Variants in MPRIP observed in about 807,000 individuals in gnomAD.
MPRIP encodes the protein myosin phosphatase Rho interacting protein.
MPRIP carries 59 observed loss-of-function variants against 234.9 expected under a neutral mutation model. That is an observed-to-expected ratio of 0.25 (90% CI 0.20 to 0.31). The LOEUF is 0.31. Ranked by LOEUF, MPRIP falls within the 10% of genes least tolerant of loss-of-function variation. MPRIP has a pLI of 1.00. For synonymous variants in MPRIP, 1,144 were observed against 1,263.9 expected, an observed-to-expected ratio of 0.91 and a Z score of 2.01; for missense variants, 2,436 against 3,071.0, an observed-to-expected ratio of 0.79 and a Z score of 4.89.
At chr17:17,145,108 A>G (rs1355075565) in intron 9 of MPRIP, among the ~76,000 whole-genome samples, 4 of 152,108 alleles carry the variant, frequency 2.6e-5, no homozygotes, top group South Asian at 2.1e-4. Flanking sequence ...CTGTAGAGGG[A>G]CTTCTTATCT....
At chr17:17,066,437 T>C (rs551336845) in intron 1 of MPRIP, among the ~76,000 whole-genome samples, 33 of 152,350 alleles carry the variant, frequency 2.2e-4, no homozygotes, top group African/African-American at 6.5e-4. Flanking sequence ...TTTGGTGGAT[T>C]ACATTGGTTG....
At chr17:17,072,701 G>C (rs1024714044) in intron 1 of MPRIP, among the ~76,000 whole-genome samples, 4 of 152,102 alleles carry the variant, frequency 2.6e-5, no homozygotes, top group African/African-American at 9.7e-5. Context: ...GGCTGGCTGT[G>C]AGAGGCAAGA....
intron 13 of MPRIP, among the ~76,000 whole-genome samples, chr17:17,155,797 T>G (rs1474024815): frequency 2.6e-5 from 4 of 152,254 alleles, no homozygotes; most frequent in Non-Finnish European, 5.9e-5. Flanking sequence ...GTCCTCTTTG[T>G]GCACAGCCAG....
intron 1 of MPRIP, among the ~76,000 whole-genome samples, chr17:17,053,991 A>G (rs925207882): frequency 1.4e-4 from 21 of 152,240 alleles, no homozygotes; most frequent in African/African-American, 5.1e-4. Flanking sequence ...AACCAATTTT[A>G]TCATAAGCTA....
intron 3 of MPRIP, among the ~76,000 whole-genome samples, chr17:17,123,182 G>C (rs2090425591): frequency 6.6e-6 from 1 of 152,226 alleles, no homozygotes; most frequent in Admixed American, 6.5e-5. Context: ...GCAGGAAGCA[G>C]GTTAGCAGTT....
chr17:17,090,281 C>T (rs2089684154), intron 3 of MPRIP, among the ~76,000 whole-genome samples: 2 of 152,348 alleles, frequency 1.3e-5, no homozygotes, highest in Non-Finnish European at 2.9e-5. Flanking sequence ...CGCACTAAGG[C>T]AGGCTTGTCC....
intron 14 of MPRIP, among the ~76,000 whole-genome samples, chr17:17,160,207 A>T (rs1350959298): frequency 6.6e-6 from 1 of 152,212 alleles, no homozygotes; most frequent in African/African-American, 2.4e-5. Context: ...CTCTACTAAA[A>T]ATACAAAAAT....
chr17:17,122,653 A>G (rs902432297), intron 3 of MPRIP, among the ~76,000 whole-genome samples: 5 of 152,166 alleles, frequency 3.3e-5, no homozygotes, highest in African/African-American at 1.2e-4. Flanking sequence ...GCGCCTGGCC[A>G]AAGGGAGCTA....
Position 17,154,353 on chromosome 17 carries a change from G to A in MPRIP, c.1767G>A (p.Arg589=), listed in dbSNP as rs762060472. ...TGTCGGCCATGACATCTGGGATTCG[G>A]CGGAACTGGATCCAGACCATCATGA... ...FTLSAMTSGI[R]RNWIQTIMKH... is the part of the protein sequence containing the mutation. The change falls in exon 13 of 24, where the codon CGG becomes CGA. Residue 589 remains arginine (R), a synonymous_variant. Transcript: ENST00000651222. 1 of 1,614,066 alleles carries A rather than the reference G, an allele frequency of 6.2e-7. No homozygotes were observed. Among genetic ancestry groups the A allele is most frequent in the African/African-American group, 1.3e-5 (1 of 74,924 alleles).
At chr17:17,091,196 C>T (rs1180386229) in intron 3 of MPRIP, among the ~76,000 whole-genome samples, 1 of 152,046 alleles carries the variant, frequency 6.6e-6, no homozygotes, top group East Asian at 1.9e-4. Flanking sequence ...CGAGGACGAC[C>T]ATATATTCTG....
chr17:17,082,285 ATTTTTTT>A lies in MPRIP; in HGVS notation c.267+4230_267+4236del, dbSNP rs71355536. On this transcript the variant is annotated intron_variant, in intron 3 of 23. Coordinates refer to ENST00000651222, the MANE Select transcript of MPRIP (RefSeq NM_001364716.4). ...AAAAGCTGATCAAATGCTTTTTCCAATTTTTTTTTTTTTTTTTTTTTTTTTTTGAGAC... is the reference window on the plus strand; with the variant it reads ...AAAAGCTGATCAAATGCTTTTTCCAATTTTTTTTTTTTTTTTTTTTGAGAC... Among the ~76,000 whole-genome samples the A allele has an allele frequency of 1.4e-3, 127 of 88,708 alleles. 1 individual carries two copies. The East Asian group carries it at 0.015, about 11-fold the overall frequency. The allele number at this position is 88,708 out of a possible 152,430, so 58.2% of individuals were successfully genotyped here. A position where few individuals can be genotyped will look rare whatever the true frequency, so the allele number is the denominator to read the frequency against.
At chr17:17,117,925 C>T (rs1429649287) in intron 3 of MPRIP, among the ~76,000 whole-genome samples, 1 of 152,256 alleles carries the variant, frequency 6.6e-6, no homozygotes, top group Admixed American at 6.5e-5. Context: ...GACTTGACTC[C>T]AAGGGTAGGC....
At chr17:17,168,310 G>A (rs1458276434) in intron 16 of MPRIP, 2 of 258,584 alleles carry the variant, frequency 7.7e-6, no homozygotes, top group Non-Finnish European at 1.5e-5. Flanking sequence ...CAAATCTGAG[G>A]CAGCTGCCTG....
Position 17,177,245 on chromosome 17 carries a change from CCA to C in MPRIP, c.6958-4_6958-3del. The C allele has an allele frequency of 6.2e-7, 1 of 1,611,032 alleles. No homozygotes were observed. Among genetic ancestry groups the C allele is most frequent in the Non-Finnish European group, 8.5e-7 (1 of 1,177,748 alleles). ...ACTACCATTCTCTGTCATTTCACTC[CCA>C]AGGACAAGAAGTACGCAAGTGACAA... On this transcript the variant is annotated splice_polypyrimidine_tract_variant and splice_region_variant and intron_variant, in intron 21 of 23. Transcript: ENST00000651222.
chr17:17,091,685 G>A (rs2089722062), intron 3 of MPRIP, among the ~76,000 whole-genome samples: 2 of 152,200 alleles, frequency 1.3e-5, no homozygotes, highest in Admixed American at 6.5e-5. Context: ...AAAGAGGCAG[G>A]GTTGGTGCGG....
intron 3 of MPRIP, among the ~76,000 whole-genome samples, chr17:17,126,329 A>T (rs1369461508): frequency 6.6e-6 from 1 of 151,968 alleles, no homozygotes; most frequent in Non-Finnish European, 1.5e-5. Flanking sequence ...TAACCCTGCT[A>T]TTTTGAAACT....
At chr17:17,098,184 A>C (rs2089887957) in intron 3 of MPRIP, among the ~76,000 whole-genome samples, 1 of 152,186 alleles carries the variant, frequency 6.6e-6, no homozygotes, top group African/African-American at 2.4e-5. Context: ...CGCTGGCAGC[A>C]GGAAGAAAGG....
intron 3 of MPRIP, among the ~76,000 whole-genome samples, chr17:17,090,407 G>T (rs2089687652): frequency 6.6e-6 from 1 of 152,170 alleles, no homozygotes; most frequent in Non-Finnish European, 1.5e-5. Flanking sequence ...TAGATGGGCT[G>T]CTCCACAAAG....
chr17:17,077,941 A>T (rs2089373055), intron 2 of MPRIP, 70 bp from the exon 3 acceptor site: 1 of 1,487,524 alleles, frequency 6.7e-7, no homozygotes, highest in African/African-American at 1.4e-5. Context: ...CAGACGTGGG[A>T]ACTCCAGAAG....
Sources: gnomAD v4.1 joint callset for allele counts (sites outside exome capture counted in the v4.1 genomes callset) on GRCh38, gnomAD v4.1.1 for gene constraint, MANE v1.5 for transcripts, NCBI Gene and HGNC (gene_info 2026-07-23, HGNC 2026-07-21) for gene names.